The following SVOPL variants were observed in gnomAD, a reference collection of about 807,000 sequenced individuals.
SVOPL encodes putative transporter SVOPL.
A neutral mutation model predicts 61.0 loss-of-function variants in SVOPL; 60 were observed. That is an observed-to-expected ratio of 0.98 (90% CI 0.80 to 1.22). The LOEUF (loss-of-function observed/expected upper bound fraction) is 1.22, where lower values mean the gene tolerates loss of function less well. SVOPL is among the 50% of genes most tolerant of loss of function. The probability of loss-of-function intolerance (pLI) is 0.00; values close to 1 mark genes in which losing one functional copy is unlikely to be tolerated. For missense variants in SVOPL, 662 were observed against 643.9 expected, an observed-to-expected ratio of 1.03 and a Z score of -0.30; for synonymous variants, 279 against 250.0, an observed-to-expected ratio of 1.12 and a Z score of -1.09.
chr7:138,681,033 T>C (rs1056593717), intron 1 of SVOPL, among the ~76,000 whole-genome samples: 2 of 151,876 alleles, frequency 1.3e-5, no homozygotes, highest in Non-Finnish European at 2.9e-5. Flanking sequence ...ATAAGGAAAG[T>C]AATTTTGTTA....
intron 14 of SVOPL, among the ~76,000 whole-genome samples, chr7:138,613,823 C>A (rs1478235534): frequency 6.6e-6 from 1 of 152,142 alleles, no homozygotes; most frequent in African/African-American, 2.4e-5. Context: ...ACCCAAGGCC[C>A]TGACTTACAT....
intron 9 of SVOPL, among the ~76,000 whole-genome samples, chr7:138,642,737 G>A (rs1172058573): frequency 6.6e-6 from 1 of 151,078 alleles, no homozygotes; most frequent in Non-Finnish European, 1.5e-5. Flanking sequence ...GGCTGAGGCA[G>A]GAGGATCACT....
At chr7:138,652,198 C>T (rs1247426738) in intron 7 of SVOPL, among the ~76,000 whole-genome samples, 1 of 152,052 alleles carries the variant, frequency 6.6e-6, no homozygotes, top group Non-Finnish European at 1.5e-5. Context: ...ATTACAGGTG[C>T]CTGGCACCAC....
intron 14 of SVOPL, among the ~76,000 whole-genome samples, chr7:138,618,769 A>G (rs77838126): frequency 0.083 from 12,655 of 152,056 alleles, 660 homozygotes; most frequent in African/African-American, 0.14. Flanking sequence ...AAAAAGAAAA[A>G]GAAGGAAGGA....
intron 1 of SVOPL, among the ~76,000 whole-genome samples, chr7:138,683,637 A>C (rs1802745801): frequency 6.6e-6 from 1 of 152,140 alleles, no homozygotes; most frequent in Non-Finnish European, 1.5e-5. Context: ...CCAAAGTGCT[A>C]GGATTACAGG....
intron 9 of SVOPL, among the ~76,000 whole-genome samples, chr7:138,644,068 G>A (rs1317169675): frequency 1.3e-5 from 2 of 151,658 alleles, no homozygotes; most frequent in Admixed American, 1.3e-4. Flanking sequence ...GGGCATAGTG[G>A]CGGGCACCTG....
intron 14 of SVOPL, among the ~76,000 whole-genome samples, chr7:138,605,640 C>CAAAAAAAAAAAAAAAAAAAA (rs1159063438): frequency 1.2e-5 from 1 of 84,286 alleles, no homozygotes. Flanking sequence ...CTAACCTGGG[C>CAAAAAAAAAAAAAAAAAAAA]AAAAAAAAAA....
chr7:138,673,489 G>A (rs1010750946), intron 3 of SVOPL, among the ~76,000 whole-genome samples: 24 of 151,010 alleles, frequency 1.6e-4, no homozygotes, highest in African/African-American at 4.6e-4. Context: ...AAACCCCATC[G>A]CTGCTAAAAA....
At chr7:138,596,712 T>C in intron 14 of SVOPL, 182 bp from the exon 15 acceptor site, 1 of 1,322,436 alleles carries the variant, frequency 7.6e-7, no homozygotes, top group Non-Finnish European at 9.7e-7. Flanking sequence ...TTTTGTGTGA[T>C]TAGTCCAAGA....
intron 1 of SVOPL, chr7:138,688,992 T>C (rs1802880072): frequency 3.0e-6 from 2 of 656,682 alleles, no homozygotes; most frequent in Non-Finnish European, 5.7e-6. Flanking sequence ...GGTTTGCTAT[T>C]CACTTGACCC....
chr7:138,663,816 G>A (rs1802119262), intron 4 of SVOPL, among the ~76,000 whole-genome samples: 1 of 150,238 alleles, frequency 6.7e-6, no homozygotes, highest in African/African-American at 2.5e-5. Flanking sequence ...ACGGCCTCCA[G>A]GGCAATCAAA....
At chr7:138,601,108 C>T (rs534384714) in intron 14 of SVOPL, among the ~76,000 whole-genome samples, 17 of 151,888 alleles carry the variant, frequency 1.1e-4, no homozygotes, top group African/African-American at 4.1e-4. Context: ...AAAAATTAGC[C>T]GGGCGTGGTG....
At chr7:138,676,466 T>C (rs111415586) in intron 3 of SVOPL, among the ~76,000 whole-genome samples, 1,630 of 152,086 alleles carry the variant, frequency 0.011, 39 homozygotes, top group African/African-American at 0.038. Flanking sequence ...GCTCACAGGG[T>C]GGAAAGGCAA....
intron 14 of SVOPL, among the ~76,000 whole-genome samples, chr7:138,609,323 C>A (rs1378232795): frequency 1.3e-5 from 2 of 151,966 alleles, no homozygotes; most frequent in South Asian, 2.1e-4. Context: ...TAGGGATTCA[C>A]CCTAAGGAGA....
Position 138,628,186 on chromosome 7 carries a change from C to G in SVOPL, c.1041G>C (p.Met347Ile), listed in dbSNP as rs1359359687. Reference protein sequence around the residue: ...HMFAPSDYRTMIISTIGEIAL... With the variant: ...HMFAPSDYRTIIISTIGEIAL... ...CAATTTCACCGATGGTGCTGATGATCATGGTCCGATAGTCAGAGGGTGCAA... is the reference window on the plus strand; with the variant it reads ...CAATTTCACCGATGGTGCTGATGATGATGGTCCGATAGTCAGAGGGTGCAA... The change falls in exon 11 of 16, where the codon ATG (methionine) becomes ATC (isoleucine). Residue 347 changes from methionine to isoleucine, a missense_variant. By Grantham distance (10) the Met-to-Ile change is conservative. Transcript: ENST00000674285. 1.2e-6 allele frequency: 2 copies of G among 1,614,086 alleles called. No individual in the cohort carries two copies. The highest frequency in any genetic ancestry group is 2.7e-5 in the African/African-American group (2 of 74,946).
chr7:138,615,218 G>A (rs772522184), intron 14 of SVOPL, among the ~76,000 whole-genome samples: 1 of 152,080 alleles, frequency 6.6e-6, no homozygotes, highest in Non-Finnish European at 1.5e-5. Flanking sequence ...GGATGATCAG[G>A]TCATGATGGT....
At chr7:138,688,803 T>C (rs180953057) in intron 1 of SVOPL, among the ~76,000 whole-genome samples, 85 of 152,248 alleles carry the variant, frequency 5.6e-4, no homozygotes, top group African/African-American at 1.7e-3. Context: ...CTCAGGAGAA[T>C]TGAGAACATA....
At chr7:138,647,588 C>T (rs1455823262) in intron 8 of SVOPL, among the ~76,000 whole-genome samples, 2 of 151,980 alleles carry the variant, frequency 1.3e-5, no homozygotes, top group East Asian at 1.9e-4. Context: ...TGGTGGCTCA[C>T]ACCTGTAATC....
In SVOPL at chr7:138,660,504, C is replaced by T. The variant is rs141799663; in HGVS notation, c.346-516G>A. On this transcript the variant is annotated intron_variant, in intron 5 of 15. Coordinates refer to ENST00000674285, the MANE Select transcript of SVOPL (RefSeq NM_001139456.2). Reference sequence around the variant, plus strand: ...TATCTTCTCTGTTTATGAGAGAAAACGAAGTGTTAATGGCTGGCTATAAAT... The same window carrying T: ...TATCTTCTCTGTTTATGAGAGAAAATGAAGTGTTAATGGCTGGCTATAAAT... The T allele has an allele frequency of 6.9e-4, 679 of 985,678 alleles. 3 individuals are homozygous for T. In the African/African-American group the frequency reaches 0.011, roughly 15 times the overall value. 61.1% of individuals were successfully genotyped at this position (985,678 alleles called of 1,614,324 possible).
Sources: allele counts gnomAD v4.1 joint callset (sites outside exome capture counted in the v4.1 genomes callset), GRCh38; gene constraint gnomAD v4.1.1; transcripts MANE v1.5; gene names NCBI Gene and HGNC (gene_info 2026-07-23, HGNC 2026-07-21).